Variants in RNF24 observed in about 807,000 individuals in gnomAD.
The protein encoded by RNF24 is ring finger protein 24.
In RNF24, 14 loss-of-function variants were observed where a neutral mutation model predicts 20.0. That is an observed-to-expected ratio of 0.70 (90% confidence interval 0.46 to 1.10). RNF24 has a LOEUF of 1.10. RNF24 is among the 50% of genes least tolerant of loss of function. The probability of loss-of-function intolerance (pLI) is 0.00; values close to 1 mark genes in which losing one functional copy is unlikely to be tolerated. For synonymous variants in RNF24, 45 were observed against 61.1 expected (o/e 0.74, Z 1.23); for missense variants, 124 against 177.6 (o/e 0.70, Z 1.71).
At chr20:3,963,186 A>G (rs1437633489) in intron 2 of RNF24, among the ~76,000 whole-genome samples, 1 of 151,892 alleles carries the variant, frequency 6.6e-6, no homozygotes, top group Admixed American at 6.6e-5. Flanking sequence ...AGCATCCCCT[A>G]TGTTTCTTTA....
At chr20:3,961,861 C>T (rs550725535) in intron 2 of RNF24, among the ~76,000 whole-genome samples, 2 of 151,734 alleles carry the variant, frequency 1.3e-5, no homozygotes, top group Admixed American at 6.6e-5. Context: ...TTCTGAGGTC[C>T]TATATATGCT....
In RNF24 at chr20:3,997,017, G is replaced by A. The variant is rs796355994; in HGVS notation, c.-8+18420C>T. Among the ~76,000 whole-genome samples the A allele has an allele frequency of 7.2e-5, 11 of 151,880 alleles. No homozygotes were observed. The South Asian group carries it at 1.5e-3, about 20-fold the overall frequency. On this transcript the variant is annotated intron_variant, in intron 1 of 5. Transcript: ENST00000358395. The stretch of plus-strand genomic sequence containing the variant: ...AGGCGGATCACGAGGTCAGGGGATC[G>A]AGACCATCCTGGCTAACACGGTGAA...
In RNF24 at chr20:3,935,063, A is replaced by G; in HGVS notation, c.239T>C (p.Val80Ala). ...TCGAGGCTTGAAGTCTTCTAGGCAC[A>G]CTGCACAGAGCTGAAAGACAAATGC... ...KELNLHELCA[V>A]CLEDFKPRDE... The change falls in exon 5 of 6, where the codon GTG becomes GCG. Residue 80 changes from valine (V) to alanine (A), a missense_variant. Physicochemically the swap from Val to Ala is moderately conservative, Grantham distance 64. Coordinates refer to ENST00000358395, the MANE Select transcript of RNF24 (RefSeq NM_001134337.3). 6.2e-7 allele frequency: 1 copy of G among 1,613,992 alleles called. No homozygotes were observed. Among genetic ancestry groups the G allele is most frequent in the Non-Finnish European group, 8.5e-7 (1 of 1,179,874 alleles).
At chr20:3,958,961 C>T (rs2091172920) in intron 2 of RNF24, among the ~76,000 whole-genome samples, 1 of 152,142 alleles carries the variant, frequency 6.6e-6, no homozygotes, top group South Asian at 2.1e-4. Flanking sequence ...CTCTTATCTC[C>T]TGCTATCCCT....
At chr20:4,003,633 CTTTTTTTTTTTT>C (rs377227990) in intron 1 of RNF24, among the ~76,000 whole-genome samples, 7 of 84,420 alleles carry the variant, frequency 8.3e-5, no homozygotes, top group Non-Finnish European at 1.0e-4. Flanking sequence ...TTAGAAACTC[CTTTTTTTTTTTT>C]TTTTTTTTTT....
chr20:3,983,046 A>G (rs1403309206), intron 1 of RNF24, among the ~76,000 whole-genome samples: 1 of 152,208 alleles, frequency 6.6e-6, no homozygotes, highest in Non-Finnish European at 1.5e-5. Context: ...CCCCTTCTGC[A>G]ATGTGATGCC....
intron 1 of RNF24, among the ~76,000 whole-genome samples, chr20:4,004,714 A>G (rs1432559184): frequency 6.6e-6 from 1 of 152,192 alleles, no homozygotes; most frequent in Non-Finnish European, 1.5e-5. Flanking sequence ...CTTTGGAGGG[A>G]GCACAGCAAC....
chr20:3,984,477 G>T (rs1342782303), intron 1 of RNF24, among the ~76,000 whole-genome samples: 1 of 152,114 alleles, frequency 6.6e-6, no homozygotes, highest in Admixed American at 6.6e-5. Flanking sequence ...CCTCCTGAAT[G>T]ATACCACTGC....
intron 1 of RNF24, among the ~76,000 whole-genome samples, chr20:3,991,453 C>A (rs1219000969): frequency 1.3e-5 from 2 of 151,782 alleles, no homozygotes; most frequent in Admixed American, 1.3e-4. Context: ...AGGATTTCAC[C>A]GTGTTAGCCA....
At chr20:3,993,895 G>A (rs761050350) in intron 1 of RNF24, among the ~76,000 whole-genome samples, 1 of 152,036 alleles carries the variant, frequency 6.6e-6, no homozygotes, top group South Asian at 2.1e-4. Flanking sequence ...AATACCCTTC[G>A]CCTAACTTCC....
chr20:3,948,670 T>A (rs2091048158), intron 2 of RNF24, among the ~76,000 whole-genome samples: 1 of 152,156 alleles, frequency 6.6e-6, no homozygotes, highest in South Asian at 2.1e-4. Context: ...TATCAAGACA[T>A]GGTACATTTC....
At chr20:3,940,415 T>C (rs1475269368) in intron 4 of RNF24, among the ~76,000 whole-genome samples, 4 of 88,342 alleles carry the variant, frequency 4.5e-5, no homozygotes, top group East Asian at 2.6e-4. Flanking sequence ...AAAAAATTAC[T>C]GAAAAAAAAA....
intron 1 of RNF24, among the ~76,000 whole-genome samples, chr20:3,985,841 G>C (rs528177329): frequency 6.6e-6 from 1 of 151,860 alleles, no homozygotes; most frequent in East Asian, 1.9e-4. Flanking sequence ...GGGTTCAAGC[G>C]AATTCTCCTA....
intron 1 of RNF24, among the ~76,000 whole-genome samples, chr20:3,993,769 G>T (rs1312099235): frequency 2.6e-5 from 4 of 152,180 alleles, no homozygotes; most frequent in African/African-American, 9.7e-5. Context: ...CTGCCTTAGA[G>T]GGCCTCCAGA....
chr20:4,002,188 A>T (rs1981458695), intron 1 of RNF24, among the ~76,000 whole-genome samples: 1 of 152,112 alleles, frequency 6.6e-6, no homozygotes, highest in African/African-American at 2.4e-5. Context: ...GATCGAGACC[A>T]TCTTGGCTAA....
In RNF24 at chr20:3,985,346, CCA is replaced by C. The variant is rs1316459267; in HGVS notation, c.-7-21324_-7-21323del. On this transcript the variant is annotated intron_variant, in intron 1 of 5. Transcript: ENST00000358395. ...ACCAGCAATCCTCCTGCTTCAGCCT[CCA>C]GAGTAGCTGGGCTTATAGATGTGTG... 3.3e-5 allele frequency among the ~76,000 whole-genome samples: 5 copies of C among 152,290 alleles called. No homozygotes were observed. In the East Asian group the frequency reaches 9.7e-4, roughly 29 times the overall value.
In RNF24 at chr20:3,933,105, A is replaced by C; in HGVS notation, c.*958T>G. The C allele has an allele frequency of 3.8e-6, 1 of 260,740 alleles. No homozygotes were observed. The highest frequency in any genetic ancestry group is 6.3e-5 in the East Asian group (1 of 15,942). The allele number at this position is 260,740 out of a possible 1,614,324, so 16.2% of individuals were successfully genotyped here. A position where few individuals can be genotyped will look rare whatever the true frequency, so the allele number is the denominator to read the frequency against. ...TTTTTTTTCTGAAGTAGAAAGAGAGATAGGGCAAGAGAGAGAAGAGATGGA... is the reference window on the plus strand; with the variant it reads ...TTTTTTTTCTGAAGTAGAAAGAGAGCTAGGGCAAGAGAGAGAAGAGATGGA... On this transcript the variant is annotated 3_prime_UTR_variant, in exon 6 of 6. Transcript: ENST00000358395.
At chr20:3,956,025 G>GT (rs1568627643) in intron 2 of RNF24, among the ~76,000 whole-genome samples, 1 of 151,682 alleles carries the variant, frequency 6.6e-6, no homozygotes, top group Non-Finnish European at 1.5e-5. Context: ...AGTTTTTTTT[G>GT]TGTGTGTGTG....
chr20:3,998,281 ATACAAAAAT>A (rs1981058284), intron 1 of RNF24, among the ~76,000 whole-genome samples: 1 of 152,106 alleles, frequency 6.6e-6, no homozygotes, highest in South Asian at 2.1e-4. Flanking sequence ...TCTACTAAAA[ATACAAAAAT>A]TAGGCTGGGC....
Sources: gnomAD v4.1 joint callset for allele counts (sites outside exome capture counted in the v4.1 genomes callset) on GRCh38, gnomAD v4.1.1 for gene constraint, MANE v1.5 for transcripts, NCBI Gene and HGNC (gene_info 2026-07-23, HGNC 2026-07-21) for gene names.